KLRG1: variants seen among roughly 807,000 people sequenced by gnomAD.
The protein encoded by KLRG1 is killer cell lectin-like receptor subfamily G member 1.
In KLRG1, 16 loss-of-function variants were observed where a neutral mutation model predicts 21.8. That is an observed-to-expected ratio of 0.73 (90% confidence interval 0.50 to 1.11). KLRG1 has a LOEUF of 1.11. Among genes scored for constraint, KLRG1 ranks in the 50% most tolerant of loss-of-function variants. KLRG1 has a pLI of 0.00. For missense variants in KLRG1, 173 were observed against 218.3 expected (o/e 0.79, Z 1.31); for synonymous variants, 69 against 75.9 (o/e 0.91, Z 0.47).
chr12:8,964,478 G>A (rs1448681506), intron 1 of KLRG1, among the ~76,000 whole-genome samples: 1 of 152,204 alleles, frequency 6.6e-6, no homozygotes, highest in Non-Finnish European at 1.5e-5. Context: ...TTTTGGAGTA[G>A]GTGTGGTGTG....
the KLRG1 span, chr12:9,169,615 G>T: frequency 1.3e-6 from 2 of 1,556,284 alleles, no homozygotes; most frequent in Non-Finnish European, 8.7e-7. Flanking sequence ...GGGATCAAAG[G>T]CAGAACTGTT....
the KLRG1 span, among the ~76,000 whole-genome samples, chr12:9,193,465 G>A: frequency 6.6e-6 from 1 of 152,166 alleles, no homozygotes; most frequent in African/African-American, 2.4e-5. Context: ...ATTTTAAAGT[G>A]TAGGGACACT....
chr12:9,167,107 A>G, the KLRG1 span: 2 of 152,290 alleles, frequency 1.3e-5, no homozygotes, highest in South Asian at 2.1e-4. Context: ...AACAATTTCT[A>G]TCTCTGACTC....
chr12:9,051,508 C>A, the KLRG1 span, among the ~76,000 whole-genome samples: 1 of 152,182 alleles, frequency 6.6e-6, no homozygotes, highest in African/African-American at 2.4e-5. Context: ...CCTCTCCACG[C>A]TTCCTGTCTG....
the KLRG1 span, among the ~76,000 whole-genome samples, chr12:9,117,470 T>G: frequency 6.6e-6 from 1 of 152,214 alleles, no homozygotes; most frequent in South Asian, 2.1e-4. Context: ...ATTATAGTGC[T>G]CAGTGAATAT....
chr12:9,090,153 A>T, the KLRG1 span: 2 of 1,405,910 alleles, frequency 1.4e-6, no homozygotes, highest in Admixed American at 4.1e-5. Context: ...GAACGGAAAC[A>T]TGCAAATGAG....
At chr12:8,992,951 T>C (rs900354246) in intron 2 of KLRG1, among the ~76,000 whole-genome samples, 16 of 152,238 alleles carry the variant, frequency 1.1e-4, no homozygotes, top group Admixed American at 5.9e-4. Context: ...ATTTTGTATA[T>C]TGCTTTTTAA....
chr12:9,109,308 A>G, the KLRG1 span: 3 of 1,600,494 alleles, frequency 1.9e-6, no homozygotes, highest in Non-Finnish European at 2.6e-6. Context: ...AGATTTTTAA[A>G]AAATGAACTC....
At chr12:9,168,930 T>C in the KLRG1 span, 1 of 1,614,154 alleles carries the variant, frequency 6.2e-7, no homozygotes, top group African/African-American at 1.3e-5. Flanking sequence ...AACACGACTT[T>C]GGTTTTCGGA....
At chr12:9,058,604 C>T in the KLRG1 span, 1 of 152,208 alleles carries the variant, frequency 6.6e-6, no homozygotes, top group Non-Finnish European at 1.5e-5. Flanking sequence ...TCCCCCAACC[C>T]TCTTGTCTGT....
chr12:9,090,198 T>G, the KLRG1 span, among the ~76,000 whole-genome samples: 1 of 152,134 alleles, frequency 6.6e-6, no homozygotes, highest in Non-Finnish European at 1.5e-5. Flanking sequence ...GGTGGAGATG[T>G]TGAGGATATC....
At chr12:8,964,661 G>A (rs1311647912) in intron 1 of KLRG1, among the ~76,000 whole-genome samples, 5 of 150,834 alleles carry the variant, frequency 3.3e-5, no homozygotes, top group Non-Finnish European at 7.4e-5. Context: ...TTATTATTGT[G>A]TGGGAGTCTA....
At chr12:9,201,234 T>G in the KLRG1 span, 1 of 1,337,334 alleles carries the variant, frequency 7.5e-7, no homozygotes, top group Non-Finnish European at 1.0e-6. Flanking sequence ...ATCTGAAAAT[T>G]TTTAAAGTAG....
chr12:9,161,258 T>C, the KLRG1 span: 1 of 628,480 alleles, frequency 1.6e-6, no homozygotes, highest in Non-Finnish European at 2.6e-6. Context: ...TAAATTGTGA[T>C]GATTTGAGGA....
intron 1 of KLRG1, among the ~76,000 whole-genome samples, chr12:8,958,073 A>AT (rs1042812348): frequency 2.6e-5 from 4 of 152,024 alleles, no homozygotes; most frequent in Non-Finnish European, 4.4e-5. Context: ...TTATTTTTAA[A>AT]TTTTTTTAGA....
chr12:9,009,743 A>G lies in KLRG1; in HGVS notation c.*206A>G. 1.4e-6 allele frequency: 2 copies of G among 1,418,186 alleles called. No individual in the cohort carries two copies. Among genetic ancestry groups the G allele is most frequent in the South Asian group, 1.6e-5 (1 of 63,068 alleles). 87.9% of individuals were successfully genotyped at this position (1,418,186 alleles called of 1,614,324 possible). A position where few individuals can be genotyped will look rare whatever the true frequency, so the allele number is the denominator to read the frequency against. On this transcript the variant is annotated 3_prime_UTR_variant, in exon 5 of 5. Coordinates refer to ENST00000356986, the MANE Select transcript of KLRG1 (RefSeq NM_005810.4). ...AGACTATTTAGATATTATGTGAGCAATTTAAAGACCAGATCTAAGCAAATT... is the reference window on the plus strand; with the variant it reads ...AGACTATTTAGATATTATGTGAGCAGTTTAAAGACCAGATCTAAGCAAATT...
the KLRG1 span, among the ~76,000 whole-genome samples, chr12:9,187,339 G>A: frequency 7.2e-5 from 11 of 152,206 alleles, no homozygotes; most frequent in East Asian, 2.1e-3. Flanking sequence ...GGATCTGATA[G>A]ACATCTACAA....
At chr12:8,964,012 G>A (rs1211624549) in intron 1 of KLRG1, among the ~76,000 whole-genome samples, 2 of 152,044 alleles carry the variant, frequency 1.3e-5, no homozygotes, top group Admixed American at 1.3e-4. Context: ...ATTTTTTGAA[G>A]GGTTTTTTGT....
chr12:9,150,594 G>A, the KLRG1 span: 1 of 1,207,450 alleles, frequency 8.3e-7, no homozygotes, highest in Non-Finnish European at 1.2e-6. Context: ...GTCACAACAG[G>A]ATCCATTTCT....
Sources: gnomAD v4.1 joint callset for allele counts (sites outside exome capture counted in the v4.1 genomes callset) on GRCh38, gnomAD v4.1.1 for gene constraint, MANE v1.5 for transcripts, NCBI Gene and HGNC (gene_info 2026-07-23, HGNC 2026-07-21) for gene names.